The following PINX1 variants were observed in gnomAD, a reference collection of about 807,000 sequenced individuals.
PINX1 encodes the protein PIN2 (TERF1) interacting telomerase inhibitor 1, also known as PIN2/TERF1-interacting telomerase inhibitor 1.
In PINX1, 34 loss-of-function variants were observed where a neutral mutation model predicts 25.4. The observed-to-expected ratio is 1.34, with a 90% confidence interval of 1.02 to 1.78. PINX1 has a LOEUF of 1.78. PINX1 is among the 40% of genes most tolerant of loss of function. The probability of loss-of-function intolerance (pLI) is 0.00; values close to 1 mark genes in which losing one functional copy is unlikely to be tolerated. For synonymous variants in PINX1, 197 were observed against 147.7 expected, an observed-to-expected ratio of 1.33 and a Z score of -2.42; for missense variants, 592 against 404.9, an observed-to-expected ratio of 1.46 and a Z score of -3.97.
At chr8:10,836,614 T>G (rs1183902313) in intron 1 of PINX1, among the ~76,000 whole-genome samples, 1 of 150,526 alleles carries the variant, frequency 6.6e-6, no homozygotes, top group East Asian at 2.0e-4. Flanking sequence ...TCAAGGTCAA[T>G]TCCTCTCCCC....
chr8:10,799,476 T>C (rs1162872114), intron 6 of PINX1, among the ~76,000 whole-genome samples: 1 of 152,174 alleles, frequency 6.6e-6, no homozygotes, highest in Non-Finnish European at 1.5e-5. Flanking sequence ...TACTCTGCAT[T>C]CTAGACCTGC....
At chr8:10,818,435 A>T (rs1797766783) in intron 6 of PINX1, among the ~76,000 whole-genome samples, 1 of 152,206 alleles carries the variant, frequency 6.6e-6, no homozygotes, top group Non-Finnish European at 1.5e-5. Context: ...CTGCCAGAGG[A>T]TCAGAAACCT....
At chr8:10,766,478 C>A (rs759372535) in intron 6 of PINX1, among the ~76,000 whole-genome samples, 3 of 152,210 alleles carry the variant, frequency 2.0e-5, no homozygotes, top group Non-Finnish European at 2.9e-5. Context: ...CTTTCTCCCC[C>A]AAAGGTGGAG....
Position 10,799,637 on chromosome 8 carries a change from C to T in PINX1, c.471+20556G>A, listed in dbSNP as rs112452601. ...ACTCAGACCACATTGGTGACCACTC[C>T]ACAGCAGTCTAATCCCACTTACTGT... On this transcript the variant is annotated intron_variant, in intron 6 of 6. Transcript: ENST00000314787. Among the ~76,000 whole-genome samples, 240 of 152,294 alleles carry T rather than the reference C, an allele frequency of 1.6e-3. 1 individual carries two copies. Among genetic ancestry groups the T allele is most frequent in the African/African-American group, 5.6e-3 (234 of 41,548 alleles).
chr8:10,784,232 A>C lies in PINX1; in HGVS notation c.472-18316T>G, dbSNP rs148127478. ...GAGGAGGCTGATCTAAAACGAAATGACTGATTTAACTAAATGAATAATATC... is the reference window on the plus strand; with the variant it reads ...GAGGAGGCTGATCTAAAACGAAATGCCTGATTTAACTAAATGAATAATATC... On this transcript the variant is annotated intron_variant, in intron 6 of 6. Transcript: ENST00000314787. 6.6e-3 allele frequency among the ~76,000 whole-genome samples: 1,010 copies of C among 152,330 alleles called. 6 individuals are homozygous for C. The highest frequency in any genetic ancestry group is 0.018 in the South Asian group (85 of 4,826).
chr8:10,788,733 G>C (rs911723526), intron 6 of PINX1, among the ~76,000 whole-genome samples: 1 of 152,148 alleles, frequency 6.6e-6, no homozygotes, highest in South Asian at 2.1e-4. Context: ...AGAAATCATC[G>C]TGGACTCTTG....
chr8:10,834,832 A>C, intron 1 of PINX1, 57 bp from the exon 2 acceptor site: 1 of 1,145,000 alleles, frequency 8.7e-7, no homozygotes, highest in Non-Finnish European at 1.3e-6. Flanking sequence ...AAAATACCAC[A>C]CAAACATACA....
At chr8:10,794,010 T>G (rs1802006420) in intron 6 of PINX1, among the ~76,000 whole-genome samples, 1 of 152,258 alleles carries the variant, frequency 6.6e-6, no homozygotes, top group Admixed American at 6.5e-5. Context: ...AGAAGATAAC[T>G]ACATTCAAAG....
chr8:10,786,068 G>A (rs1033933196), intron 6 of PINX1, among the ~76,000 whole-genome samples: 49 of 152,180 alleles, frequency 3.2e-4, no homozygotes, highest in African/African-American at 1.2e-3. Flanking sequence ...CATCCAGGTT[G>A]TATGTGGATC....
At chr8:10,805,449 T>G (rs1485562565) in intron 6 of PINX1, among the ~76,000 whole-genome samples, 1 of 151,662 alleles carries the variant, frequency 6.6e-6, no homozygotes, top group African/African-American at 2.4e-5. Flanking sequence ...GCCATACTAG[T>G]GCTGAGTGGG....
chr8:10,774,527 C>A (rs959095932), intron 6 of PINX1, among the ~76,000 whole-genome samples: 2 of 152,114 alleles, frequency 1.3e-5, no homozygotes, highest in African/African-American at 4.8e-5. Flanking sequence ...GTGATCCACC[C>A]GCCTCGGCCA....
At chr8:10,796,556 T>C (rs897570562) in intron 6 of PINX1, among the ~76,000 whole-genome samples, 4 of 152,190 alleles carry the variant, frequency 2.6e-5, no homozygotes, top group African/African-American at 9.6e-5. Context: ...TTTAGTTCTA[T>C]TCTGATAATA....
chr8:10,793,305 G>C (rs373923369), intron 6 of PINX1, among the ~76,000 whole-genome samples: 354 of 152,272 alleles, frequency 2.3e-3, no homozygotes, highest in African/African-American at 7.8e-3. Flanking sequence ...TGAGCCAAGA[G>C]TTATGCTCCT....
intron 6 of PINX1, among the ~76,000 whole-genome samples, chr8:10,787,222 C>A (rs1331129238): frequency 1.3e-5 from 2 of 151,872 alleles, no homozygotes; most frequent in Non-Finnish European, 2.9e-5. Flanking sequence ...CACACACACA[C>A]ACGTTTGTTT....
At chr8:10,816,687 G>T (rs1458543316) in intron 6 of PINX1, among the ~76,000 whole-genome samples, 1 of 152,198 alleles carries the variant, frequency 6.6e-6, no homozygotes, top group Non-Finnish European at 1.5e-5. Context: ...ATCAACCACT[G>T]GTGTCTCTGG....
intron 6 of PINX1, among the ~76,000 whole-genome samples, chr8:10,775,583 A>G (rs1801366569): frequency 6.6e-6 from 1 of 152,214 alleles, no homozygotes; most frequent in South Asian, 2.1e-4. Flanking sequence ...AAAAGCTTCT[A>G]AATGCTTACT....
intron 6 of PINX1, among the ~76,000 whole-genome samples, chr8:10,808,840 T>C (rs942538009): frequency 6.6e-6 from 1 of 152,206 alleles, no homozygotes; most frequent in Admixed American, 6.5e-5. Flanking sequence ...TAAACTCCTA[T>C]ATTTTTCTAT....
chr8:10,800,824 C>T (rs975994115), intron 6 of PINX1, among the ~76,000 whole-genome samples: 9 of 152,174 alleles, frequency 5.9e-5, no homozygotes, highest in African/African-American at 2.2e-4. Context: ...AAAAGGACAG[C>T]ACTCTCTTCT....
At chr8:10,826,112 C>A (rs368205012) in intron 5 of PINX1, 40 bp downstream of exon 5, 1 of 1,147,078 alleles carries the variant, frequency 8.7e-7, no homozygotes, top group South Asian at 1.4e-5. Context: ...AGGACAAACA[C>A]GTAGATTTCA....
Sources: allele counts gnomAD v4.1 joint callset (sites outside exome capture counted in the v4.1 genomes callset), GRCh38; gene constraint gnomAD v4.1.1; transcripts MANE v1.5; gene names NCBI Gene and HGNC (gene_info 2026-07-23, HGNC 2026-07-21).